Variants in CMTM4 observed in about 807,000 individuals in gnomAD.
CMTM4 encodes CKLF-like MARVEL transmembrane domain-containing protein 4.
A neutral mutation model predicts 19.0 loss-of-function variants in CMTM4; 8 were observed. That is an observed-to-expected ratio of 0.42 (90% CI 0.25 to 0.76). The LOEUF is 0.76. CMTM4 is among the 30% of genes least tolerant of loss of function. The pLI is 0.27. For missense variants in CMTM4, 228 were observed against 290.2 expected (o/e 0.79, Z 1.56); for synonymous variants, 106 against 121.1 (o/e 0.88, Z 0.82).
intron 1 of CMTM4, among the ~76,000 whole-genome samples, chr16:66,671,578 A>G (rs1475285687): frequency 2.6e-5 from 4 of 152,164 alleles, no homozygotes; most frequent in African/African-American, 9.7e-5. Context: ...TGAACCTCCA[A>G]GGAAAGTGAC....
At chr16:66,635,037 G>A (rs1280693305) in intron 2 of CMTM4, among the ~76,000 whole-genome samples, 2 of 152,192 alleles carry the variant, frequency 1.3e-5, no homozygotes, top group Non-Finnish European at 2.9e-5. Context: ...TAGGCAAGTA[G>A]GATAGCAATG....
intron 1 of CMTM4, among the ~76,000 whole-genome samples, chr16:66,683,737 A>T (rs1214622780): frequency 6.6e-6 from 1 of 151,514 alleles, no homozygotes; most frequent in African/African-American, 2.4e-5. Context: ...AATGCTCTGG[A>T]GGAGAATCAA....
At chr16:66,671,386 G>C (rs1680573383) in intron 1 of CMTM4, among the ~76,000 whole-genome samples, 1 of 152,230 alleles carries the variant, frequency 6.6e-6, no homozygotes, top group Non-Finnish European at 1.5e-5. Flanking sequence ...TGGAAACAAA[G>C]ACGGGAGTGG....
chr16:66,601,259 G>C, the CMTM4 span, among the ~76,000 whole-genome samples: 1 of 152,162 alleles, frequency 6.6e-6, no homozygotes, highest in African/African-American at 2.4e-5. Flanking sequence ...GAAGAATGAG[G>C]TACACAGACA....
At chr16:66,612,894 C>A, downstream of CMTM4, 1 of 616,192 alleles carries the variant, frequency 1.6e-6, no homozygotes. The surrounding 1 kb of genome is among the most constrained non-coding windows in gnomAD (Gnocchi z 6.0). Context: ...GTCCCACAGG[C>A]CTTCAGCCCT....
Position 66,620,123 on chromosome 16 carries a change from A to G in CMTM4, c.*1935T>C. 1.0e-6 allele frequency: 1 copy of G among 985,436 alleles called. No individual in the cohort carries two copies. The highest frequency in any genetic ancestry group is 4.7e-5 in the South Asian group (1 of 21,286). 61.0% of individuals were successfully genotyped at this position (985,436 alleles called of 1,614,324 possible). A position where few individuals can be genotyped will look rare whatever the true frequency, so the allele number is the denominator to read the frequency against. ...TGGCCTTTTTTGGGGGCCAAGTAACATGATTCCCAGCAGGAGATTTCTGAT... is the reference window on the plus strand; with the variant it reads ...TGGCCTTTTTTGGGGGCCAAGTAACGTGATTCCCAGCAGGAGATTTCTGAT... On this transcript the variant is annotated 3_prime_UTR_variant, in exon 4 of 4. Coordinates refer to ENST00000394106, the MANE Select transcript of CMTM4 (RefSeq NM_181521.3).
chr16:66,620,937 T>A lies in CMTM4; in HGVS notation c.*1121A>T, dbSNP rs1331924852. ...ATCAGAAACCTTAAGTAGCTAGGAT[T>A]TTTCCCCCCAACAACTCCCAAGAAT... On this transcript the variant is annotated 3_prime_UTR_variant, in exon 4 of 4. Transcript: ENST00000394106. 3.0e-6 allele frequency: 3 copies of A among 985,684 alleles called. No homozygotes were observed. The highest frequency in any genetic ancestry group is 4.7e-5 in the South Asian group (1 of 21,284). 61.1% of individuals were successfully genotyped at this position (985,684 alleles called of 1,614,324 possible).
chr16:66,656,665 A>C (rs1337716355), intron 1 of CMTM4, among the ~76,000 whole-genome samples: 3 of 152,040 alleles, frequency 2.0e-5, no homozygotes, highest in Admixed American at 1.3e-4. Flanking sequence ...AAAAAAAAAA[A>C]CAGTAACTCA....
At chr16:66,660,569 G>A (rs929763755) in intron 1 of CMTM4, among the ~76,000 whole-genome samples, 6 of 152,112 alleles carry the variant, frequency 3.9e-5, no homozygotes, top group African/African-American at 1.4e-4. Flanking sequence ...GAACAAATAC[G>A]GAGACAGTGT....
At chr16:66,638,236 C>T (rs1379128389) in intron 1 of CMTM4, among the ~76,000 whole-genome samples, 2 of 152,176 alleles carry the variant, frequency 1.3e-5, no homozygotes, top group African/African-American at 2.4e-5. Context: ...TCCCCATCTA[C>T]CCCCAAGGCA....
At chr16:66,633,562 A>C (rs1054923721) in intron 2 of CMTM4, among the ~76,000 whole-genome samples, 1 of 152,178 alleles carries the variant, frequency 6.6e-6, no homozygotes, top group African/African-American at 2.4e-5. Context: ...TCACGCCTGT[A>C]ACCTCAGCAC....
intron 2 of CMTM4, among the ~76,000 whole-genome samples, chr16:66,628,524 G>A (rs1204454483): frequency 1.3e-5 from 2 of 152,196 alleles, no homozygotes; most frequent in African/African-American, 2.4e-5. Flanking sequence ...AACAAGGCAC[G>A]TCCTGCACAG....
intron 1 of CMTM4, among the ~76,000 whole-genome samples, chr16:66,638,767 G>A (rs535242165): frequency 1.3e-5 from 2 of 152,260 alleles, no homozygotes; most frequent in African/African-American, 4.8e-5. Context: ...GCTGAGGCAG[G>A]AGAATCACTT....
chr16:66,606,718 C>T, the CMTM4 span, among the ~76,000 whole-genome samples: 52 of 152,306 alleles, frequency 3.4e-4, no homozygotes, highest in Middle Eastern at 3.4e-3. Context: ...CTGGGCCGGG[C>T]GTGGTGGCTC....
At chr16:66,664,191 C>T (rs528900563) in intron 1 of CMTM4, among the ~76,000 whole-genome samples, 1 of 151,628 alleles carries the variant, frequency 6.6e-6, no homozygotes, top group South Asian at 2.1e-4. Flanking sequence ...CAAGATCGCA[C>T]CACTGCACTT....
In CMTM4 at chr16:66,696,276, G is replaced by C; in HGVS notation, c.186+64C>G. The C allele has an allele frequency of 8.6e-7, 1 of 1,156,306 alleles. No individual in the cohort carries two copies. The highest frequency in any genetic ancestry group is 1.1e-6 in the Non-Finnish European group (1 of 908,126). The allele number at this position is 1,156,306 out of a possible 1,614,324, so 71.6% of individuals were successfully genotyped here. A position where few individuals can be genotyped will look rare whatever the true frequency, so the allele number is the denominator to read the frequency against. On this transcript the variant is annotated intron_variant, in intron 1 of 3. Coordinates refer to ENST00000394106, the MANE Select transcript of CMTM4 (RefSeq NM_181521.3). This position sits in a 1 kb window ranked among gnomAD's most constrained non-coding sequence, Gnocchi z 4.3. ...GGTACGCGGCGGAGGCCCCGCAGCG[G>C]GGCGGGGAGGGAGGCGTGCGGCTAG...
At position 66,621,896 on chromosome 16, in the gene CMTM4, A is replaced by G; in HGVS notation, c.*162T>C. On this transcript the variant is annotated 3_prime_UTR_variant, in exon 4 of 4. Coordinates refer to ENST00000394106, the MANE Select transcript of CMTM4 (RefSeq NM_181521.3). ...CGTGGGCCTCCCAACTCCACCGCGG[A>G]CCCGCCCACTGGGCCACTCGGGAAA... 7.0e-7 allele frequency: 1 copy of G among 1,432,734 alleles called. No individual in the cohort carries two copies. The highest frequency in any genetic ancestry group is 9.1e-7 in the Non-Finnish European group (1 of 1,096,048). 88.8% of individuals were successfully genotyped at this position (1,432,734 alleles called of 1,614,324 possible). A position where few individuals can be genotyped will look rare whatever the true frequency, so the allele number is the denominator to read the frequency against.
intron 1 of CMTM4, among the ~76,000 whole-genome samples, chr16:66,684,514 A>ATAATAAATCACT (rs1275124750): frequency 6.6e-6 from 1 of 151,856 alleles, no homozygotes; most frequent in African/African-American, 2.4e-5. Flanking sequence ...TACCTTAATA[A>ATAATAAATCACT]ACTCTAGTGA....
chr16:66,660,459 A>T (rs1411726819), intron 1 of CMTM4, among the ~76,000 whole-genome samples: 1 of 151,970 alleles, frequency 6.6e-6, no homozygotes, highest in African/African-American at 2.4e-5. Flanking sequence ...AAAAAGAAAA[A>T]TTTTCAATGT....
Sources: allele counts gnomAD v4.1 joint callset (sites outside exome capture counted in the v4.1 genomes callset), GRCh38; gene constraint gnomAD v4.1.1; non-coding constraint Gnocchi (gnomAD v3.1); transcripts MANE v1.5; gene names NCBI Gene and HGNC (gene_info 2026-07-23, HGNC 2026-07-21).